The following NAV2 variants were observed in gnomAD, a reference collection of about 807,000 sequenced individuals.
NAV2 encodes the protein helicase, APC down-regulated 1.
In NAV2, 54 loss-of-function variants were observed where a neutral mutation model predicts 223.2. That is an observed-to-expected ratio of 0.24 (90% CI 0.19 to 0.30). NAV2 has a LOEUF of 0.30. NAV2 is among the 10% of genes least tolerant of loss of function. The pLI, the probability that NAV2 is intolerant of heterozygous loss-of-function variation, is 1.00. For missense variants in NAV2, 2,806 were observed against 3,147.5 expected (o/e 0.89, Z 2.60); for synonymous variants, 1,279 against 1,239.3 (o/e 1.03, Z -0.67).
At chr11:19,801,210 T>C (rs1003534951) in intron 1 of NAV2, among the ~76,000 whole-genome samples, 1 of 152,194 alleles carries the variant, frequency 6.6e-6, no homozygotes, top group African/African-American at 2.4e-5. Context: ...TCCAACCAGT[T>C]TGGCAACAGC....
At chr11:19,650,628 T>A (rs1032704718) in intron 1 of NAV2, among the ~76,000 whole-genome samples, 1 of 152,154 alleles carries the variant, frequency 6.6e-6, no homozygotes, top group Non-Finnish European at 1.5e-5. Context: ...TTATGTAGGA[T>A]CATAGCAGCT....
chr11:20,009,929 G>T (rs1207547351), intron 11 of NAV2, among the ~76,000 whole-genome samples: 1 of 151,636 alleles, frequency 6.6e-6, no homozygotes, highest in Non-Finnish European at 1.5e-5. Flanking sequence ...TCCCATGATG[G>T]CCTGAACTTT....
At chr11:20,105,445 C>T (rs2061960830) in intron 34 of NAV2, 86 bp from the exon 35 acceptor site, 7 of 1,110,554 alleles carry the variant, frequency 6.3e-6, no homozygotes, top group Non-Finnish European at 9.3e-6. Flanking sequence ...TATACACCTT[C>T]TGTTTCTAAC....
chr11:19,541,185 C>A (rs1038327334), intron 1 of NAV2, among the ~76,000 whole-genome samples: 2 of 152,172 alleles, frequency 1.3e-5, no homozygotes, highest in African/African-American at 4.8e-5. Context: ...GCTACTGGAA[C>A]CAGAAGTGGA....
At chr11:19,620,375 A>G (rs555095504) in intron 1 of NAV2, among the ~76,000 whole-genome samples, 1 of 152,236 alleles carries the variant, frequency 6.6e-6, no homozygotes, top group East Asian at 1.9e-4. Context: ...CATGATATTG[A>G]TTCTTCCTAT....
intron 1 of NAV2, among the ~76,000 whole-genome samples, chr11:19,666,404 G>A (rs2048411446): frequency 6.6e-6 from 1 of 152,126 alleles, no homozygotes; most frequent in Non-Finnish European, 1.5e-5. Context: ...TACCCAGCCA[G>A]GTGTTCTTGG....
chr11:19,931,609 A>AAAAAAAAAAAAAAAAAAAG lies in NAV2; in HGVS notation c.932-1567_932-1566insAAAAAAAAAAAAAAAAAAG, dbSNP rs10692495. On this transcript the variant is annotated intron_variant, in intron 6 of 37. Transcript: ENST00000349880. The stretch of plus-strand genomic sequence containing the variant: ...ACATAGGTATTTAAAAAAAAAAAAA[A>AAAAAAAAAAAAAAAAAAAG]GCAGAAGAAGCAGCCGTTAATCCCG... Among the ~76,000 whole-genome samples, 6 of 137,306 alleles carry AAAAAAAAAAAAAAAAAAAG rather than the reference A, an allele frequency of 4.4e-5. 2 individuals are homozygous for AAAAAAAAAAAAAAAAAAAG. The highest frequency in any genetic ancestry group is 6.2e-5 in the Non-Finnish European group (4 of 64,332). The allele number at this position is 137,306 out of a possible 152,430, so 90.1% of individuals were successfully genotyped here. A position where few individuals can be genotyped will look rare whatever the true frequency, so the allele number is the denominator to read the frequency against.
Position 20,045,533 on chromosome 11 carries a change from C to T in NAV2, c.3765C>T (p.Ile1255=), listed in dbSNP as rs1272770716. The change falls in exon 14 of 38, where the codon ATC becomes ATT. Residue 1255 remains isoleucine, a synonymous_variant. Transcript: ENST00000349880. ...ACCAAACAGACAAGGAGAAAGGCAT[C>T]TCATCAGACAACGAGAGTGTGGCTT... The part of the protein sequence containing the change: ...LVNQTDKEKG[I]SSDNESVASC... 1.2e-6 allele frequency: 2 copies of T among 1,614,148 alleles called. No homozygotes were observed. The highest frequency in any genetic ancestry group is 2.2e-5 in the South Asian group (2 of 91,076).
Position 20,045,240 on chromosome 11 carries a change from C to A in NAV2, c.3472C>A (p.Leu1158Ile). The change falls in exon 14 of 38, where the codon CTC (leucine) becomes ATC (isoleucine). Residue 1158 changes from leucine to isoleucine, a missense_variant. Leu to Ile is a conservative substitution (Grantham distance 5). This residue lies in a region of NAV2 where 742 missense variants were observed against 777.9 expected (regional missense o/e 0.95). Transcript: ENST00000349880. ...TLGKIPKSSA[L>I]VSRSAGRKSS... ...GGGCAAAATCCCAAAGTCATCTGCA[C>A]TCGTCAGTCGGTCTGCTGGTCGGAA... 1 of 1,614,206 alleles carries A rather than the reference C, an allele frequency of 6.2e-7. No individual in the cohort carries two copies. The highest frequency in any genetic ancestry group is 1.1e-5 in the South Asian group (1 of 91,086).
intron 1 of NAV2, among the ~76,000 whole-genome samples, chr11:19,626,341 T>C (rs1042330399): frequency 2.4e-4 from 37 of 152,202 alleles, no homozygotes; most frequent in African/African-American, 7.2e-4. Context: ...TGGCTGTAGA[T>C]ATGTGGGTTA....
At position 19,813,385 on chromosome 11, in the gene NAV2, G is replaced by A. The variant is rs537006310; in HGVS notation, c.268-19099G>A. ...GCTTCATGCCCAGCTTTTGCCAAGC[G>A]TGGGCCAAGTGGGGGAATGATTCCC... On this transcript the variant is annotated intron_variant, in intron 1 of 37. Coordinates refer to ENST00000349880, the MANE Select transcript of NAV2 (RefSeq NM_145117.5). Among the ~76,000 whole-genome samples the A allele has an allele frequency of 2.1e-4, 32 of 152,302 alleles. No individual in the cohort carries two copies. In the South Asian group the frequency reaches 4.1e-3, roughly 20 times the overall value.
chr11:19,602,922 C>A (rs1287226560), intron 1 of NAV2, among the ~76,000 whole-genome samples: 2 of 152,096 alleles, frequency 1.3e-5, no homozygotes, highest in Non-Finnish European at 2.9e-5. Context: ...TTTAGCGGAC[C>A]ACCATTCGAC....
At chr11:19,420,843 G>C (rs148438566) in intron 1 of NAV2, among the ~76,000 whole-genome samples, 90 of 152,260 alleles carry the variant, frequency 5.9e-4, no homozygotes, top group African/African-American at 2.0e-3. Context: ...AATTCATTGA[G>C]CTGTACACTT....
intron 1 of NAV2, among the ~76,000 whole-genome samples, chr11:19,585,279 C>A (rs1483412216): frequency 3.3e-5 from 5 of 152,126 alleles, no homozygotes; most frequent in South Asian, 2.1e-4. Flanking sequence ...GTGTCTCTAC[C>A]CGTGAGATGG....
intron 1 of NAV2, among the ~76,000 whole-genome samples, chr11:19,823,270 T>A (rs1015303199): frequency 1.3e-5 from 2 of 152,190 alleles, no homozygotes; most frequent in Non-Finnish European, 2.9e-5. Flanking sequence ...TGCAATGGCG[T>A]GTTCTTGGCT....
At chr11:19,548,885 A>C (rs1238290512) in intron 1 of NAV2, among the ~76,000 whole-genome samples, 1 of 151,928 alleles carries the variant, frequency 6.6e-6, no homozygotes, top group Admixed American at 6.5e-5. Context: ...TCAAAAAAAA[A>C]AAAAAAAAAA....
chr11:19,413,005 A>G lies in NAV2; in HGVS notation c.75+61978A>G, dbSNP rs368698899. 5.1e-4 allele frequency among the ~76,000 whole-genome samples: 78 copies of G among 152,354 alleles called. No homozygotes were observed. The East Asian group carries it at 7.1e-3, about 14-fold the overall frequency. ...AAAAAGGCTGAAAATTCCAAAAACCAGATGACCTCTTCCCCTACAAAGGAT... is the reference window on the plus strand; with the variant it reads ...AAAAAGGCTGAAAATTCCAAAAACCGGATGACCTCTTCCCCTACAAAGGAT... On this transcript the variant is annotated intron_variant, in intron 1 of 37. Coordinates refer to the NAV2 transcript ENST00000360655.
intron 6 of NAV2, among the ~76,000 whole-genome samples, chr11:19,901,438 G>A (rs2042436518): frequency 1.3e-5 from 2 of 152,086 alleles, no homozygotes; most frequent in African/African-American, 4.8e-5. Context: ...TCCCAGTTAA[G>A]TGGGAGGCTG....
At chr11:19,889,132 CA>C (rs2153125494) in intron 5 of NAV2, among the ~76,000 whole-genome samples, 1 of 152,276 alleles carries the variant, frequency 6.6e-6, no homozygotes, top group East Asian at 1.9e-4. Context: ...CTTAAAAGTT[CA>C]GTCTGAATTA....
Sources: gnomAD v4.1 joint callset for allele counts (sites outside exome capture counted in the v4.1 genomes callset) on GRCh38, gnomAD v4.1.1 for gene constraint, gnomAD v4.1.1 regional missense constraint, MANE v1.5 for transcripts, NCBI Gene and HGNC (gene_info 2026-07-23, HGNC 2026-07-21) for gene names.